Variants in HDC observed in about 807,000 individuals in gnomAD.
The protein encoded by HDC is histidine decarboxylase.
A neutral mutation model predicts 64.4 loss-of-function variants in HDC; 27 were observed. The observed-to-expected ratio is 0.42, with a 90% CI of 0.31 to 0.58. The LOEUF (loss-of-function observed/expected upper bound fraction) is 0.58, where lower values mean the gene tolerates loss of function less well. HDC is among the 20% of genes least tolerant of loss of function. The probability of loss-of-function intolerance (pLI) is 0.16; values close to 1 mark genes in which losing one functional copy is unlikely to be tolerated. For missense variants in HDC, 711 were observed against 833.9 expected (o/e 0.85, Z 1.81); for synonymous variants, 305 against 314.2 (o/e 0.97, Z 0.31).
At chr15:50,259,213 G>A (rs2045671850) in intron 2 of HDC, among the ~76,000 whole-genome samples, 1 of 152,100 alleles carries the variant, frequency 6.6e-6, no homozygotes, top group Non-Finnish European at 1.5e-5. Context: ...CAGACTACTT[G>A]TTTCATCCAG....
At chr15:50,258,174 T>C (rs2045656546) in intron 3 of HDC, among the ~76,000 whole-genome samples, 2 of 152,186 alleles carry the variant, frequency 1.3e-5, no homozygotes, top group South Asian at 4.1e-4. Flanking sequence ...GGGAGATAAG[T>C]TGCTTAAGCC....
chr15:50,264,272 A>G (rs914983156), intron 1 of HDC, among the ~76,000 whole-genome samples: 2 of 152,170 alleles, frequency 1.3e-5, no homozygotes, highest in Non-Finnish European at 2.9e-5. Flanking sequence ...TTAAAACTGT[A>G]GGCTTACATA....
rs557594582 is a variant in HDC, at chr15:50,265,606, C to A, written c.18G>T (p.Glu6Asp). MMEPE[E>D]YRERGREMVD... ...CCCGTTGCTCACCTCTCTCTCTGTACTCCTCAGGCTCCATCATCTCCCTTG... is the reference window on the plus strand; with the variant it reads ...CCCGTTGCTCACCTCTCTCTCTGTAATCCTCAGGCTCCATCATCTCCCTTG... The change falls in exon 1 of 12, where the codon GAG (glutamate) becomes GAT (aspartate). Residue 6 changes from glutamate (E) to aspartate (D), a missense_variant. Glu to Asp is a conservative substitution (Grantham distance 45). Around this residue, in one of 3 missense-constraint regions of HDC, gnomAD observed 225 missense variants for 276.2 expected, o/e 0.81. Transcript: ENST00000267845. 26 of 1,613,894 alleles carry A rather than the reference C, an allele frequency of 1.6e-5. No individual in the cohort carries two copies. Among genetic ancestry groups the A allele is most frequent in the Middle Eastern group, 3.3e-4 (2 of 6,056 alleles).
At chr15:50,257,675 C>T (rs941120663) in intron 3 of HDC, 128 bp from the exon 4 acceptor site, 2 of 1,006,660 alleles carry the variant, frequency 2.0e-6, no homozygotes, top group Non-Finnish European at 3.1e-6. Flanking sequence ...TCATGTTAGG[C>T]CACGTGCCTC....
chr15:50,259,449 G>A (rs1156258902), intron 2 of HDC, among the ~76,000 whole-genome samples: 1 of 152,180 alleles, frequency 6.6e-6, no homozygotes, highest in Non-Finnish European at 1.5e-5. Flanking sequence ...GTAAGGAGGA[G>A]CTGAGTGGGC....
Position 50,248,208 on chromosome 15 carries a change from A to G in HDC, c.1140+37T>C. 4.2e-6 allele frequency: 6 copies of G among 1,423,628 alleles called. No individual in the cohort carries two copies. Among genetic ancestry groups the G allele is most frequent in the Non-Finnish European group, 6.0e-6 (6 of 1,007,236 alleles). 88.2% of individuals were successfully genotyped at this position (1,423,628 alleles called of 1,614,324 possible). A position where few individuals can be genotyped will look rare whatever the true frequency, so the allele number is the denominator to read the frequency against. On this transcript the variant is annotated intron_variant, in intron 10 of 11. Coordinates refer to ENST00000267845, the MANE Select transcript of HDC (RefSeq NM_002112.4). The surrounding 1 kb of genome is among the most constrained non-coding windows in gnomAD (Gnocchi z 4.3). ...CTTCCTCGCCATGAGAAAACAGAGGAACACAGGCTCAGCCCCCACAGCAGC... is the reference window on the plus strand; with the variant it reads ...CTTCCTCGCCATGAGAAAACAGAGGGACACAGGCTCAGCCCCCACAGCAGC...
At chr15:50,265,216 G>C (rs1008405949) in intron 1 of HDC, among the ~76,000 whole-genome samples, 3 of 152,054 alleles carry the variant, frequency 2.0e-5, no homozygotes, top group Admixed American at 6.6e-5. Context: ...AAGAAAGAAA[G>C]GATTTGCAGT....
intron 2 of HDC, among the ~76,000 whole-genome samples, chr15:50,260,554 A>T (rs577094724): frequency 3.9e-4 from 60 of 152,272 alleles, no homozygotes; most frequent in African/African-American, 1.4e-3. Context: ...ACATATCCTG[A>T]CTTGACTCAG....
Position 50,257,639 on chromosome 15 carries a change from C to T in HDC, c.319-92G>A, listed in dbSNP as rs2045650346. On this transcript the variant is annotated intron_variant, in intron 3 of 11. Coordinates refer to ENST00000267845, the MANE Select transcript of HDC (RefSeq NM_002112.4). ...GAAACATGTCTGCCCCTGATGGTGTCAATGGGAACATTTCTGGAGAAGGGG... is the reference window on the plus strand; with the variant it reads ...GAAACATGTCTGCCCCTGATGGTGTTAATGGGAACATTTCTGGAGAAGGGG... 2.8e-6 allele frequency: 4 copies of T among 1,437,132 alleles called. No individual in the cohort carries two copies. The East Asian group carries it at 6.8e-5, about 24-fold the overall frequency. 89.0% of individuals were successfully genotyped at this position (1,437,132 alleles called of 1,614,324 possible).
intron 10 of HDC, among the ~76,000 whole-genome samples, chr15:50,243,536 C>A (rs951091624): frequency 6.6e-6 from 1 of 152,248 alleles, no homozygotes. Context: ...GTCCAGGCAA[C>A]CCGGCCTCAA....
intron 2 of HDC, 57 bp from the exon 3 acceptor site, chr15:50,258,574 T>C: frequency 1.0e-6 from 1 of 1,004,748 alleles, no homozygotes; most frequent in Admixed American, 1.8e-5. Flanking sequence ...CAGGCTTTCT[T>C]TCTCCAGAGA....
intron 10 of HDC, among the ~76,000 whole-genome samples, chr15:50,244,001 G>A (rs1048443051): frequency 2.1e-4 from 32 of 152,150 alleles, no homozygotes; most frequent in Non-Finnish European, 5.9e-5. Context: ...ACATTCTATG[G>A]TATGAATATT....
At chr15:50,246,127 G>A (rs576490180) in intron 10 of HDC, among the ~76,000 whole-genome samples, 6 of 152,220 alleles carry the variant, frequency 3.9e-5, no homozygotes, top group South Asian at 4.2e-4. Flanking sequence ...GGAAAGTCCC[G>A]GGCCTTCTTC....
At chr15:50,261,712 C>T (rs1454766481) in intron 2 of HDC, among the ~76,000 whole-genome samples, 3 of 140,298 alleles carry the variant, frequency 2.1e-5, no homozygotes, top group Admixed American at 7.2e-5. Flanking sequence ...ATTTTTGTCA[C>T]TTTTTTTTTT....
At chr15:50,246,253 G>T (rs186025952) in intron 10 of HDC, among the ~76,000 whole-genome samples, 1 of 152,208 alleles carries the variant, frequency 6.6e-6, no homozygotes, top group Non-Finnish European at 1.5e-5. Flanking sequence ...AAGGCATTAC[G>T]CAAGTGTCAA....
intron 1 of HDC, among the ~76,000 whole-genome samples, chr15:50,263,636 T>C (rs2045733683): frequency 6.6e-6 from 1 of 151,938 alleles, no homozygotes; most frequent in South Asian, 2.1e-4. Flanking sequence ...CCCTCTCTAC[T>C]AAAAATACAA....
Position 50,257,563 on chromosome 15 carries a change from G to C in HDC, c.319-16C>G, listed in dbSNP as rs889452355. ...GGCTGGATGCCTGAGAAAGGAAAAG[G>C]AACTTCAAACTGCACAGCCCCAGGG... is the stretch of plus-strand genomic sequence containing the variant. On this transcript the variant is annotated splice_polypyrimidine_tract_variant and intron_variant, in intron 3 of 11. Coordinates refer to ENST00000267845, the MANE Select transcript of HDC (RefSeq NM_002112.4). The C allele has an allele frequency of 6.2e-7, 1 of 1,613,732 alleles. No homozygotes were observed. The highest frequency in any genetic ancestry group is 1.3e-5 in the African/African-American group (1 of 74,912).
chr15:50,255,400 G>A (rs1355689018), intron 4 of HDC, among the ~76,000 whole-genome samples: 1 of 152,168 alleles, frequency 6.6e-6, no homozygotes, highest in East Asian at 1.9e-4. Flanking sequence ...TGCTAAAAAT[G>A]CCTGGCAGAC....
At chr15:50,253,432 AGGGATCCCT>A in intron 7 of HDC, 159 bp downstream of exon 7, 1 of 715,180 alleles carries the variant, frequency 1.4e-6, no homozygotes. Flanking sequence ...GGCAATGTCC[AGGGATCCCT>A]GGAAGAGACC....
Sources: allele counts gnomAD v4.1 joint callset (sites outside exome capture counted in the v4.1 genomes callset), GRCh38; gene constraint gnomAD v4.1.1; regional missense constraint gnomAD v4.1.1; non-coding constraint Gnocchi (gnomAD v3.1); transcripts MANE v1.5; gene names NCBI Gene and HGNC (gene_info 2026-07-23, HGNC 2026-07-21).